GRIP1: variants seen among roughly 807,000 people sequenced by gnomAD.
The protein encoded by GRIP1 is glutamate receptor interacting protein 1.
In GRIP1, 45 loss-of-function variants were observed where a neutral mutation model predicts 129.9. That is an observed-to-expected ratio of 0.35 (90% CI 0.27 to 0.44). The LOEUF is 0.44. Among genes scored for constraint, GRIP1 ranks in the 20% least tolerant of loss-of-function variants. The probability of loss-of-function intolerance (pLI) is 1.00; values close to 1 mark genes in which losing one functional copy is unlikely to be tolerated. For missense variants in GRIP1, 1,196 were observed against 1,396.8 expected (o/e 0.86, Z 2.29); for synonymous variants, 530 against 520.8 (o/e 1.02, Z -0.24).
At chr12:66,740,395 A>T (rs1157249335) in intron 1 of GRIP1, among the ~76,000 whole-genome samples, 1 of 152,178 alleles carries the variant, frequency 6.6e-6, no homozygotes. Flanking sequence ...ATCAGTGTAC[A>T]GTTCTTGACT....
intron 4 of GRIP1, among the ~76,000 whole-genome samples, chr12:66,534,081 C>T (rs181490130): frequency 6.6e-6 from 1 of 152,272 alleles, no homozygotes; most frequent in East Asian, 1.9e-4. Context: ...GAAAGGGGAA[C>T]TTATTAATTC....
At chr12:66,602,215 G>A (rs1027141188) in intron 1 of GRIP1, among the ~76,000 whole-genome samples, 1 of 152,172 alleles carries the variant, frequency 6.6e-6, no homozygotes, top group Non-Finnish European at 1.5e-5. Context: ...TATCATGGTT[G>A]CTTCTCTCCC....
At chr12:66,394,820 T>C (rs1398071967) in intron 16 of GRIP1, among the ~76,000 whole-genome samples, 1 of 152,190 alleles carries the variant, frequency 6.6e-6, no homozygotes, top group Non-Finnish European at 1.5e-5. Flanking sequence ...TATAGAAAAG[T>C]GGATTTTGCG....
chr12:66,438,601 T>C (rs2058381932), intron 13 of GRIP1, among the ~76,000 whole-genome samples: 1 of 151,890 alleles, frequency 6.6e-6, no homozygotes, highest in Admixed American at 6.6e-5. Context: ...GTTCAAGTGA[T>C]TCTCCTGCCT....
At chr12:66,866,901 A>G (rs1465274115) in intron 1 of GRIP1, among the ~76,000 whole-genome samples, 1 of 152,190 alleles carries the variant, frequency 6.6e-6, no homozygotes, top group Non-Finnish European at 1.5e-5. Flanking sequence ...TATACTTCAG[A>G]ATATCATGTC....
chr12:67,026,906 G>A (rs1045394997), intron 1 of GRIP1, among the ~76,000 whole-genome samples: 4 of 152,102 alleles, frequency 2.6e-5, no homozygotes, highest in Non-Finnish European at 5.9e-5. Context: ...ATCTTTGCTT[G>A]TTTGTGTGTT....
chr12:66,909,534 G>T (rs1486821448), intron 1 of GRIP1, among the ~76,000 whole-genome samples: 1 of 152,158 alleles, frequency 6.6e-6, no homozygotes, highest in Non-Finnish European at 1.5e-5. Flanking sequence ...TCAGTTTAAG[G>T]CTTCTTCCCT....
chr12:67,043,868 T>C (rs1319826403), intron 1 of GRIP1, among the ~76,000 whole-genome samples: 1 of 152,188 alleles, frequency 6.6e-6, no homozygotes, highest in Non-Finnish European at 1.5e-5. Flanking sequence ...ACTTGAAGTT[T>C]ATTTTTTTTT....
chr12:66,965,678 G>C (rs1566097884), intron 1 of GRIP1, among the ~76,000 whole-genome samples: 1 of 151,800 alleles, frequency 6.6e-6, no homozygotes, highest in Non-Finnish European at 1.5e-5. Flanking sequence ...TGCATCATCA[G>C]TGAGACCTAA....
At chr12:66,726,802 C>T (rs564923129) in intron 1 of GRIP1, among the ~76,000 whole-genome samples, 3 of 152,304 alleles carry the variant, frequency 2.0e-5, no homozygotes, top group Admixed American at 6.5e-5. Flanking sequence ...TAGCCACTAT[C>T]TTCATTCTGC....
intron 1 of GRIP1, among the ~76,000 whole-genome samples, chr12:66,815,854 T>TTCTTTCTTTCTTTC (rs1555241802): frequency 1.3e-3 from 149 of 116,808 alleles, no homozygotes; most frequent in Middle Eastern, 0.012. Flanking sequence ...CTTTCTTTCT[T>TTCTTTCTTTCTTTC]TCTCTCTCTC....
At chr12:66,592,942 T>C (rs187376163) in intron 2 of GRIP1, among the ~76,000 whole-genome samples, 39 of 152,324 alleles carry the variant, frequency 2.6e-4, no homozygotes, top group Non-Finnish European at 4.7e-4. Flanking sequence ...TTGGAATTTA[T>C]CTTATTTTTG....
chr12:66,713,616 A>G (rs1355662799), intron 1 of GRIP1, among the ~76,000 whole-genome samples: 1 of 151,940 alleles, frequency 6.6e-6, no homozygotes, highest in Non-Finnish European at 1.5e-5. Context: ...ACTGTCCATC[A>G]CCCACCAGAC....
chr12:66,588,862 G>C (rs140667683), intron 2 of GRIP1, among the ~76,000 whole-genome samples: 1 of 151,696 alleles, frequency 6.6e-6, no homozygotes, highest in Non-Finnish European at 1.5e-5. Context: ...CCAGCTACTC[G>C]GGAGGCTGAG....
At chr12:66,497,829 A>G (rs1358426421) in intron 7 of GRIP1, among the ~76,000 whole-genome samples, 2 of 152,152 alleles carry the variant, frequency 1.3e-5, no homozygotes, top group Non-Finnish European at 2.9e-5. Flanking sequence ...ACTTGCACGT[A>G]TACGCCCAGA....
At chr12:66,984,047 A>G (rs2042275607) in intron 1 of GRIP1, among the ~76,000 whole-genome samples, 1 of 152,242 alleles carries the variant, frequency 6.6e-6, no homozygotes, top group Non-Finnish European at 1.5e-5. Flanking sequence ...GACCACAGCC[A>G]GCAATTTGCA....
At chr12:67,067,530 C>T (rs1246338560) in intron 1 of GRIP1, among the ~76,000 whole-genome samples, 7 of 152,046 alleles carry the variant, frequency 4.6e-5, no homozygotes, top group South Asian at 4.1e-4. Context: ...AGAAGCATTC[C>T]TAAAGCAGGG....
chr12:66,550,519 A>G (rs1258280463), intron 2 of GRIP1, among the ~76,000 whole-genome samples: 1 of 152,248 alleles, frequency 6.6e-6, no homozygotes, highest in South Asian at 2.1e-4. Context: ...TAATGAAAGC[A>G]GTGAACGCTT....
intron 1 of GRIP1, among the ~76,000 whole-genome samples, chr12:66,952,399 T>G (rs1232546525): frequency 6.6e-6 from 1 of 152,232 alleles, no homozygotes; most frequent in Admixed American, 6.5e-5. Flanking sequence ...ATTATGTCAT[T>G]AAAGCACTAA....
Sources: gnomAD v4.1 joint callset for allele counts (sites outside exome capture counted in the v4.1 genomes callset) on GRCh38, gnomAD v4.1.1 for gene constraint, MANE v1.5 for transcripts, NCBI Gene and HGNC (gene_info 2026-07-23, HGNC 2026-07-21) for gene names.